Variants in UBAP2 observed in about 807,000 individuals in gnomAD.
The protein encoded by UBAP2 is ubiquitin associated protein 2, also known as ubiquitin-associated protein 2.
A neutral mutation model predicts 139.6 loss-of-function variants in UBAP2; 75 were observed. That is an observed-to-expected ratio of 0.54 (90% confidence interval 0.45 to 0.65). The LOEUF (loss-of-function observed/expected upper bound fraction) is 0.65. Among genes scored for constraint, UBAP2 ranks in the 30% least tolerant of loss-of-function variants. The probability of loss-of-function intolerance (pLI) is 0.00; values close to 1 mark genes in which losing one functional copy is unlikely to be tolerated. For missense variants in UBAP2, 1,368 were observed against 1,369.6 expected (o/e 1.00, Z 0.02); for synonymous variants, 526 against 526.2 (o/e 1.00, Z 0.01).
intron 6 of UBAP2, among the ~76,000 whole-genome samples, chr9:33,981,470 C>G (rs1820751092): frequency 6.6e-6 from 1 of 150,862 alleles, no homozygotes; most frequent in African/African-American, 2.4e-5. Flanking sequence ...ATCCTACCAC[C>G]TCAGCCTCCT....
intron 22 of UBAP2, among the ~76,000 whole-genome samples, chr9:33,924,633 G>C (rs1312526825): frequency 1.3e-5 from 2 of 152,210 alleles, no homozygotes; most frequent in Non-Finnish European, 2.9e-5. Context: ...AGAGCAGCTA[G>C]GAAAGCTGAC....
chr9:34,035,648 G>A (rs558085530), intron 1 of UBAP2, among the ~76,000 whole-genome samples: 1 of 150,070 alleles, frequency 6.7e-6, no homozygotes, highest in East Asian at 2.0e-4. Context: ...TCGTGCTACT[G>A]TACTCCAACC....
chr9:33,948,653 A>G (rs2130954101), intron 12 of UBAP2, 66 bp from the exon 13 acceptor site: 3 of 1,380,330 alleles, frequency 2.2e-6, no homozygotes, highest in Non-Finnish European at 3.0e-6. Flanking sequence ...GCTTTAAAAC[A>G]TATCAAGTAT....
chr9:33,939,119 T>C (rs1824855647), intron 16 of UBAP2, among the ~76,000 whole-genome samples: 1 of 152,042 alleles, frequency 6.6e-6, no homozygotes, highest in South Asian at 2.1e-4. Context: ...TGTGATTTTA[T>C]GTCTCATTAG....
At chr9:34,008,518 C>T (rs989190716) in intron 2 of UBAP2, among the ~76,000 whole-genome samples, 1 of 151,950 alleles carries the variant, frequency 6.6e-6, no homozygotes, top group Non-Finnish European at 1.5e-5. Context: ...CTGAGGCAGA[C>T]GGATCACCTG....
intron 17 of UBAP2, chr9:33,933,913 A>G: frequency 6.4e-6 from 2 of 311,184 alleles, no homozygotes; most frequent in Non-Finnish European, 1.2e-5. Context: ...CATACTTTTC[A>G]CACCTAAAGG....
chr9:33,955,950 A>C, intron 11 of UBAP2, 129 bp downstream of exon 11: 3 of 651,306 alleles, frequency 4.6e-6, no homozygotes, highest in Non-Finnish European at 7.9e-6. Context: ...AGTAGTGGTA[A>C]AATAAAAGTT....
At chr9:33,977,790 G>A (rs1345303777) in intron 6 of UBAP2, among the ~76,000 whole-genome samples, 1 of 151,626 alleles carries the variant, frequency 6.6e-6, no homozygotes, top group African/African-American at 2.4e-5. Context: ...AGTCTCCCGA[G>A]CGGCTGGGAT....
chr9:34,024,310 C>G (rs1162029787), intron 1 of UBAP2, among the ~76,000 whole-genome samples: 1 of 150,924 alleles, frequency 6.6e-6, no homozygotes, highest in African/African-American at 2.4e-5. Flanking sequence ...CCATTGCACT[C>G]CAGCCTGGGA....
chr9:34,041,602 CAGG>C (rs1303509582), intron 1 of UBAP2, among the ~76,000 whole-genome samples: 1 of 151,688 alleles, frequency 6.6e-6, no homozygotes, highest in East Asian at 1.9e-4. Context: ...GAGGCCGAGG[CAGG>C]AGAATTGCTT....
chr9:33,932,601 G>A lies in UBAP2; in HGVS notation c.2136C>T (p.Leu712=), dbSNP rs1362455273. The change falls in exon 19 of 29, where the codon CTC becomes CTT. Residue 712 remains leucine (L), a synonymous_variant. Transcript: ENST00000379238. ...TCGAGGAGAGGGCTGCATGTGCAGAGAGGCTGCTCTGGTGGCTGGAGAGCG... is the reference window on the plus strand; with the variant it reads ...TCGAGGAGAGGGCTGCATGTGCAGAAAGGCTGCTCTGGTGGCTGGAGAGCG... The part of the protein sequence containing the change: ...SSSLSSHQSS[L]SAHAALSSST... The A allele has an allele frequency of 6.2e-7, 1 of 1,614,086 alleles. No individual in the cohort carries two copies. Among genetic ancestry groups the A allele is most frequent in the East Asian group, 2.2e-5 (1 of 44,874 alleles).
Position 33,975,303 on chromosome 9 carries a change from G to A in UBAP2, c.521-2066C>T, listed in dbSNP as rs756313550. Among the ~76,000 whole-genome samples, 83 of 151,554 alleles carry A rather than the reference G, an allele frequency of 5.5e-4. 1 individual carries two copies. Among genetic ancestry groups the A allele is most frequent in the Non-Finnish European group, 9.3e-4 (63 of 67,900 alleles). On this transcript the variant is annotated intron_variant, in intron 6 of 28. Coordinates refer to ENST00000379238, the MANE Select transcript of UBAP2 (RefSeq NM_001370062.2). ...AAAAATTAGCCAGGCGTGGTGGCGC[G>A]CGCCAGTAGTCTCAGCTACCTGGGA...
At chr9:33,938,966 A>C in intron 16 of UBAP2, 2 of 443,268 alleles carry the variant, frequency 4.5e-6, no homozygotes, top group South Asian at 1.6e-5. Context: ...GAAGAGAAAA[A>C]GGAAGGGAGG....
At position 33,922,742 on chromosome 9, in the gene UBAP2, GC is replaced by G. The variant is rs1823018584; in HGVS notation, c.3208del (p.Ala1070ProfsTer141). The G allele has an allele frequency of 6.4e-7, 1 of 1,553,624 alleles. No homozygotes were observed. Among genetic ancestry groups the G allele is most frequent in the South Asian group, 1.2e-5 (1 of 80,364 alleles). ...CAGCTGTGAGTGGGGCTGCTGGTGGGCTGGCAAGATGTGTAGGAATGGTGGG... is the reference window on the plus strand; with the variant it reads ...CAGCTGTGAGTGGGGCTGCTGGTGGGTGGCAAGATGTGTAGGAATGGTGGG... ...APPPFLHILP[A>X]HQQPHSQLLH... On this transcript the variant is annotated frameshift_variant, in exon 28 of 29. Coordinates refer to ENST00000379238, the MANE Select transcript of UBAP2 (RefSeq NM_001370062.2). LOFTEE classifies it high-confidence loss of function.
At chr9:34,019,704 C>CAG (rs1318506313) in intron 1 of UBAP2, among the ~76,000 whole-genome samples, 1 of 151,320 alleles carries the variant, frequency 6.6e-6, no homozygotes, top group Non-Finnish European at 1.5e-5. Context: ...CACACACACA[C>CAG]ACACACACAC....
At chr9:34,018,500 A>G (rs12380173) in intron 1 of UBAP2, among the ~76,000 whole-genome samples, 12,007 of 152,118 alleles carry the variant, frequency 0.079, 679 homozygotes, top group Non-Finnish European at 0.12. Context: ...AGCAATTCCA[A>G]TTCTGGGTAG....
intron 6 of UBAP2, among the ~76,000 whole-genome samples, chr9:33,982,281 A>T (rs1352509411): frequency 6.6e-6 from 1 of 152,174 alleles, no homozygotes; most frequent in Non-Finnish European, 1.5e-5. Context: ...ATTACACTCC[A>T]CTAGCAAAAA....
chr9:33,953,472 A>T lies in UBAP2; in HGVS notation c.869T>A (p.Ile290Asn), dbSNP rs1489600003. Reference protein sequence around the residue: ...AENHILPGQSIDLVALLQKPV... With the variant: ...AENHILPGQSNDLVALLQKPV... ...CTTCTGGAGCAAGGCTACCAGATCA[A>T]TGCTAAGCAGACAAAAAGCAATGAG... The change falls in exon 12 of 29, where the codon ATT becomes AAT. Residue 290 changes from isoleucine to asparagine, a missense_variant and splice_region_variant. Ile to Asn is a moderately radical substitution (Grantham distance 149). Coordinates refer to ENST00000379238, the MANE Select transcript of UBAP2 (RefSeq NM_001370062.2). 6.2e-7 allele frequency: 1 copy of T among 1,610,234 alleles called. No individual in the cohort carries two copies. The highest frequency in any genetic ancestry group is 8.5e-7 in the Non-Finnish European group (1 of 1,178,310).
At chr9:34,001,458 A>AAAAGTGCTGG (rs1822695359) in intron 2 of UBAP2, among the ~76,000 whole-genome samples, 1 of 152,234 alleles carries the variant, frequency 6.6e-6, no homozygotes, top group African/African-American at 2.4e-5. Flanking sequence ...TGGTAAAACT[A>AAAAGTGCTGG]GACTTAGAGT....
Sources: allele counts gnomAD v4.1 joint callset (sites outside exome capture counted in the v4.1 genomes callset), GRCh38; gene constraint gnomAD v4.1.1; transcripts MANE v1.5; gene names NCBI Gene and HGNC (gene_info 2026-07-23, HGNC 2026-07-21).